RBFOX1: variants seen among roughly 807,000 people sequenced by gnomAD.
RBFOX1 encodes the protein RNA binding protein fox-1 homolog 1.
In RBFOX1, 8 loss-of-function variants were observed where a neutral mutation model predicts 57.7. The ratio of observed to expected loss-of-function variants is 0.14; its 90% CI spans 0.08 to 0.25. RBFOX1 has a LOEUF of 0.25. Among genes scored for constraint, RBFOX1 ranks in the 10% least tolerant of loss-of-function variants. The pLI is 1.00. For missense variants in RBFOX1, 611 were observed against 548.5 expected, an observed-to-expected ratio of 1.11 and a Z score of -1.14; for synonymous variants, 326 against 222.4, an observed-to-expected ratio of 1.47 and a Z score of -4.15.
intron 3 of RBFOX1, among the ~76,000 whole-genome samples, chr16:6,922,055 G>T (rs558287985): frequency 1.3e-5 from 2 of 152,160 alleles, no homozygotes; most frequent in African/African-American, 4.8e-5. Context: ...CTGGCAGCTG[G>T]TATTACTATT....
chr16:6,928,546 A>C (rs543888365), intron 3 of RBFOX1, among the ~76,000 whole-genome samples: 3 of 152,122 alleles, frequency 2.0e-5, no homozygotes, highest in Non-Finnish European at 2.9e-5. Context: ...TATCCAGGGT[A>C]ACCTTGTTGG....
rs2071556946 is a variant in RBFOX1, at chr16:7,671,856, G to C, written c.931-4918G>C. ...CTGTTTCCATGACTGAGTGCTGTTA[G>C]CTGGCCTCAGCCATGAGCTTTGTTA... On this transcript the variant is annotated intron_variant, in intron 13 of 15. Transcript: ENST00000550418. Among the ~76,000 whole-genome samples the C allele has an allele frequency of 2.0e-5, 3 of 152,206 alleles. No individual in the cohort carries two copies. In the South Asian group the frequency reaches 6.2e-4, roughly 32 times the overall value.
rs559578889 is a variant in RBFOX1, at chr16:6,666,093, G to A, written c.-16+11443G>A. On this transcript the variant is annotated intron_variant, in intron 3 of 15. Transcript: ENST00000550418. ...TTCTTTCTCTGCCACCATATAAAAC[G>A]TGCCTTTTGCCTCCCATCATGGTTA... Among the ~76,000 whole-genome samples, 41 of 152,108 alleles carry A rather than the reference G, an allele frequency of 2.7e-4. No homozygotes were observed. In the South Asian group the frequency reaches 7.9e-3, roughly 29 times the overall value.
In RBFOX1 at chr16:6,562,553, C is replaced by T. The variant is rs759709352; in HGVS notation, c.-63-92050C>T. 7.2e-5 allele frequency among the ~76,000 whole-genome samples: 11 copies of T among 152,172 alleles called. No individual in the cohort carries two copies. In the South Asian group the frequency reaches 1.2e-3, roughly 17 times the overall value. ...TTTAGTTTGGAAGTAAATGAAGACA[C>T]GATGTGTGTAATTGGATATTTCACT... On this transcript the variant is annotated intron_variant, in intron 2 of 15. Coordinates refer to ENST00000550418, the MANE Select transcript of RBFOX1 (RefSeq NM_018723.4).
At chr16:6,756,331 A>G (rs1355725451) in intron 3 of RBFOX1, among the ~76,000 whole-genome samples, 2 of 152,188 alleles carry the variant, frequency 1.3e-5, no homozygotes, top group African/African-American at 4.8e-5. Flanking sequence ...CTCAAAATGC[A>G]TTAAAGATTG....
intron 2 of RBFOX1, among the ~76,000 whole-genome samples, chr16:6,493,864 A>C (rs1042600539): frequency 1.3e-5 from 2 of 152,192 alleles, no homozygotes; most frequent in Non-Finnish European, 2.9e-5. Flanking sequence ...ATCAGTATAA[A>C]CTATGCAACG....
At chr16:5,381,570 G>T (rs528149632) in intron 1 of RBFOX1, among the ~76,000 whole-genome samples, 1 of 152,310 alleles carries the variant, frequency 6.6e-6, no homozygotes, top group South Asian at 2.1e-4. Context: ...GGCATAGGCT[G>T]CTGGGGCTCG....
chr16:5,785,716 A>C (rs576777309), intron 3 of RBFOX1, among the ~76,000 whole-genome samples: 1 of 151,998 alleles, frequency 6.6e-6, no homozygotes, highest in South Asian at 2.1e-4. Flanking sequence ...TAATAGAGAC[A>C]GGGTTTCTCC....
At chr16:7,609,604 G>T (rs1220660164) in intron 10 of RBFOX1, among the ~76,000 whole-genome samples, 2 of 152,090 alleles carry the variant, frequency 1.3e-5, no homozygotes, top group African/African-American at 2.4e-5. Flanking sequence ...CTTTCTATGG[G>T]CCAGCACTGT....
intron 3 of RBFOX1, among the ~76,000 whole-genome samples, chr16:6,921,816 A>G (rs1463421138): frequency 2.0e-5 from 3 of 151,948 alleles, no homozygotes; most frequent in Non-Finnish European, 4.4e-5. Flanking sequence ...TCACCATGTA[A>G]CTTTCCATCA....
At chr16:6,951,578 C>T (rs1324962604) in intron 3 of RBFOX1, among the ~76,000 whole-genome samples, 1 of 152,088 alleles carries the variant, frequency 6.6e-6, no homozygotes, top group East Asian at 1.9e-4. Context: ...TCTTTCTCTC[C>T]TTGTACCTTG....
chr16:7,189,231 C>A (rs1404154104), intron 4 of RBFOX1, among the ~76,000 whole-genome samples: 11 of 151,870 alleles, frequency 7.2e-5, no homozygotes, highest in East Asian at 3.9e-4. Flanking sequence ...CGAGACCATC[C>A]TGGCTAACAC....
At chr16:5,658,358 C>G (rs1191473030) in intron 3 of RBFOX1, among the ~76,000 whole-genome samples, 1 of 152,118 alleles carries the variant, frequency 6.6e-6, no homozygotes, top group African/African-American at 2.4e-5. Flanking sequence ...GCTGAGGGGA[C>G]CCAGGCTGTC....
At chr16:6,958,667 A>G (rs2082342182) in intron 3 of RBFOX1, among the ~76,000 whole-genome samples, 1 of 152,190 alleles carries the variant, frequency 6.6e-6, no homozygotes, top group South Asian at 2.1e-4. Flanking sequence ...GGAAGTTAAT[A>G]TGGAATTTCT....
At chr16:5,414,848 C>T (rs545326266) in intron 1 of RBFOX1, among the ~76,000 whole-genome samples, 18 of 152,226 alleles carry the variant, frequency 1.2e-4, no homozygotes, top group African/African-American at 4.3e-4. Context: ...TGGGATTCTT[C>T]TTGAGGAAGT....
At chr16:7,295,100 G>A (rs1024218643) in intron 4 of RBFOX1, among the ~76,000 whole-genome samples, 1 of 152,188 alleles carries the variant, frequency 6.6e-6, no homozygotes, top group Non-Finnish European at 1.5e-5. Flanking sequence ...GACTTGACCT[G>A]ATGTTGTGTG....
At chr16:7,408,542 C>G (rs1346151583) in intron 4 of RBFOX1, among the ~76,000 whole-genome samples, 1 of 152,136 alleles carries the variant, frequency 6.6e-6, no homozygotes. Flanking sequence ...GACTGCCCAT[C>G]GATTGTCCTG....
At chr16:5,357,309 C>A (rs2065418254) in intron 1 of RBFOX1, among the ~76,000 whole-genome samples, 1 of 152,150 alleles carries the variant, frequency 6.6e-6, no homozygotes. Context: ...AAATATGGCC[C>A]AATTAGAGAC....
At chr16:7,554,430 T>A (rs2087632970) in intron 5 of RBFOX1, among the ~76,000 whole-genome samples, 1 of 152,198 alleles carries the variant, frequency 6.6e-6, no homozygotes, top group African/African-American at 2.4e-5. Context: ...TACTCAAGGT[T>A]GCACTGCATG....
Sources: gnomAD v4.1 joint callset for allele counts (sites outside exome capture counted in the v4.1 genomes callset) on GRCh38, gnomAD v4.1.1 for gene constraint, MANE v1.5 for transcripts, NCBI Gene and HGNC (gene_info 2026-07-23, HGNC 2026-07-21) for gene names.